KIFAP3: variants seen among roughly 807,000 people sequenced by gnomAD.
KIFAP3 encodes the protein kinesin associated protein 3.
In KIFAP3, 68 loss-of-function variants were observed where a neutral mutation model predicts 106.5. The observed-to-expected ratio is 0.64, with a 90% CI of 0.53 to 0.78. The LOEUF is 0.78. Among genes scored for constraint, KIFAP3 ranks in the 30% least tolerant of loss-of-function variants. KIFAP3 has a pLI of 0.00. For synonymous variants in KIFAP3, 320 were observed against 311.5 expected, an observed-to-expected ratio of 1.03 and a Z score of -0.29; for missense variants, 780 against 941.8, an observed-to-expected ratio of 0.83 and a Z score of 2.25.
At chr1:169,940,054 T>A (rs139953488) in intron 19 of KIFAP3, among the ~76,000 whole-genome samples, 1 of 152,090 alleles carries the variant, frequency 6.6e-6, no homozygotes, top group Non-Finnish European at 1.5e-5. Flanking sequence ...GGGAAAAGAG[T>A]GACAACATAA....
intron 10 of KIFAP3, among the ~76,000 whole-genome samples, chr1:169,992,536 A>G (rs1207293414): frequency 6.6e-6 from 1 of 152,186 alleles, no homozygotes; most frequent in Non-Finnish European, 1.5e-5. Context: ...TGAGTCCAAT[A>G]TAAAAACAAT....
Position 170,038,325 on chromosome 1 carries a change from C to A in KIFAP3, c.482G>T (p.Arg161Leu). ...RGSALILQLARNPDNLEELLL... is the reference protein window; with the variant it reads ...RGSALILQLALNPDNLEELLL... ...TAGTTCTTCCAAGTTATCAGGATTT[C>A]GAGCAAGCTGCAGGATCAAAGCAGA... The change falls in exon 5 of 20, where the codon CGA (arginine) becomes CTA (leucine). Residue 161 changes from arginine to leucine, a missense_variant. Around this residue, in one of 3 missense-constraint regions of KIFAP3, gnomAD observed 588 missense variants for 678.9 expected, o/e 0.87. Coordinates refer to ENST00000361580, the MANE Select transcript of KIFAP3 (RefSeq NM_014970.4). The A allele has an allele frequency of 6.2e-7, 1 of 1,606,066 alleles. No individual in the cohort carries two copies. The highest frequency in any genetic ancestry group is 8.5e-7 in the Non-Finnish European group (1 of 1,178,436).
intron 10 of KIFAP3, among the ~76,000 whole-genome samples, chr1:169,997,485 A>C (rs1667423985): frequency 6.6e-6 from 1 of 152,122 alleles, no homozygotes; most frequent in Non-Finnish European, 1.5e-5. Context: ...GAGGCAGCCG[A>C]GATTTCTGAG....
chr1:170,029,285 T>G (rs1669274996), intron 8 of KIFAP3, among the ~76,000 whole-genome samples: 1 of 151,984 alleles, frequency 6.6e-6, no homozygotes, highest in African/African-American at 2.4e-5. Context: ...AAATCACAAT[T>G]ATAGTCAGAG....
intron 2 of KIFAP3, 33 bp downstream of exon 2, chr1:170,055,272 T>G: frequency 4.4e-6 from 7 of 1,573,758 alleles, no homozygotes; most frequent in Non-Finnish European, 6.0e-6. Context: ...TAATGTTCAC[T>G]ACTTTCAAAA....
At chr1:169,956,760 C>T (rs983347470) in intron 18 of KIFAP3, among the ~76,000 whole-genome samples, 1 of 151,992 alleles carries the variant, frequency 6.6e-6, no homozygotes, top group African/African-American at 2.4e-5. Context: ...TGTACCACCA[C>T]ATCTGGCTAA....
intron 19 of KIFAP3, among the ~76,000 whole-genome samples, chr1:169,949,983 A>G (rs1004472805): frequency 1.3e-5 from 2 of 152,138 alleles, no homozygotes; most frequent in Non-Finnish European, 2.9e-5. Flanking sequence ...CTGCATTGCT[A>G]TCTTACAAAA....
rs201441472 is a variant in KIFAP3, at chr1:170,046,732, C to T, written c.299G>A (p.Arg100His). The T allele has an allele frequency of 1.1e-5, 17 of 1,568,658 alleles. No homozygotes were observed. The highest frequency in any genetic ancestry group is 7.3e-5 in the Admixed American group (4 of 55,072). ...CTTACCTTTTCCTGACAATGAATCACGGCGGTTCTGTAGATAGTACAACAG... is the reference window on the plus strand; with the variant it reads ...CTTACCTTTTCCTGACAATGAATCATGGCGGTTCTGTAGATAGTACAACAG... ...EQLLYYLQNR[R>H]DSLSGKEKKE... The change falls in exon 3 of 20, where the codon CGT becomes CAT. Residue 100 changes from arginine (R) to histidine (H), a missense_variant. By Grantham distance (29) the Arg-to-His change is conservative (BLOSUM62 0). This residue lies in a region of KIFAP3 where 588 missense variants were observed against 678.9 expected (regional missense o/e 0.87). Coordinates refer to ENST00000361580, the MANE Select transcript of KIFAP3 (RefSeq NM_014970.4).
chr1:170,014,383 T>A (rs1381976100), intron 10 of KIFAP3, among the ~76,000 whole-genome samples: 1 of 152,232 alleles, frequency 6.6e-6, no homozygotes, highest in Non-Finnish European at 1.5e-5. Flanking sequence ...AAATGGCAAC[T>A]TATTGTTCCT....
chr1:170,017,692 T>C (rs188915717), intron 9 of KIFAP3, among the ~76,000 whole-genome samples: 13 of 152,304 alleles, frequency 8.5e-5, no homozygotes, highest in African/African-American at 2.9e-4. Context: ...CAGGAGGTGA[T>C]GTGGTCAGAT....
chr1:170,009,466 T>C (rs1668139833), intron 10 of KIFAP3, among the ~76,000 whole-genome samples: 1 of 152,070 alleles, frequency 6.6e-6, no homozygotes, highest in Non-Finnish European at 1.5e-5. Flanking sequence ...TCTGTCACTA[T>C]GTGATGTTTA....
At chr1:169,952,841 T>C (rs1405267830) in intron 19 of KIFAP3, among the ~76,000 whole-genome samples, 8 of 152,242 alleles carry the variant, frequency 5.3e-5, no homozygotes, top group African/African-American at 1.9e-4. Context: ...CCATAATGGC[T>C]GAAATTATAA....
chr1:170,007,744 C>T (rs969760908), intron 10 of KIFAP3, among the ~76,000 whole-genome samples: 2 of 152,112 alleles, frequency 1.3e-5, no homozygotes, highest in African/African-American at 4.8e-5. Flanking sequence ...CAATGAGTTT[C>T]TTCACAGAAT....
chr1:170,084,331 G>C (rs987794190), intron 1 of KIFAP3, among the ~76,000 whole-genome samples: 1 of 152,116 alleles, frequency 6.6e-6, no homozygotes, highest in Non-Finnish European at 1.5e-5. Context: ...CCAATAAGAG[G>C]GATTAAAAAG....
chr1:170,074,518 G>T lies in KIFAP3; in HGVS notation c.-51C>A. The T allele has an allele frequency of 1.2e-6, 2 of 1,612,778 alleles. No homozygotes were observed. Among genetic ancestry groups the T allele is most frequent in the East Asian group, 4.5e-5 (2 of 44,842 alleles). The stretch of plus-strand genomic sequence containing the variant: ...GGATGGGGTATCTTGAGAGGCAGGC[G>T]CGGTTATTTCCGGGGACGGTGGCCA... On this transcript the variant is annotated 5_prime_UTR_variant, in exon 1 of 20. Coordinates refer to ENST00000361580, the MANE Select transcript of KIFAP3 (RefSeq NM_014970.4).
At chr1:169,953,911 C>T in intron 19 of KIFAP3, 100 bp downstream of exon 19, 1 of 791,768 alleles carries the variant, frequency 1.3e-6, no homozygotes, top group East Asian at 2.5e-5. Flanking sequence ...TTTTTTCCCC[C>T]CTCTTAATGA....
chr1:169,932,519 T>A (rs1663548275), intron 19 of KIFAP3, among the ~76,000 whole-genome samples: 1 of 152,088 alleles, frequency 6.6e-6, no homozygotes, highest in Non-Finnish European at 1.5e-5. Flanking sequence ...TCACAAGTGC[T>A]ACACAAAATG....
chr1:170,041,793 C>T, intron 3 of KIFAP3: 1 of 1,523,218 alleles, frequency 6.6e-7, no homozygotes, highest in Non-Finnish European at 8.8e-7. Flanking sequence ...TGTTGGCCTC[C>T]TTAAAGGTCG....
At chr1:170,015,856 G>A (rs892280655) in intron 10 of KIFAP3, among the ~76,000 whole-genome samples, 3 of 152,130 alleles carry the variant, frequency 2.0e-5, no homozygotes, top group African/African-American at 7.2e-5. Context: ...GTCATAGACA[G>A]GTATCTTGCT....
Sources: gnomAD v4.1 joint callset for allele counts (sites outside exome capture counted in the v4.1 genomes callset) on GRCh38, gnomAD v4.1.1 for gene constraint, gnomAD v4.1.1 regional missense constraint, MANE v1.5 for transcripts, NCBI Gene and HGNC (gene_info 2026-07-23, HGNC 2026-07-21) for gene names.